ABCG1: variants seen among roughly 807,000 people sequenced by gnomAD.
ABCG1 encodes the protein ATP binding cassette subfamily G member 1, also known as ATP-binding cassette sub-family G member 1.
A neutral mutation model predicts 69.2 loss-of-function variants in ABCG1; 29 were observed. The ratio of observed to expected loss-of-function variants is 0.42; its 90% CI spans 0.31 to 0.57. The LOEUF (loss-of-function observed/expected upper bound fraction) is 0.57, where lower values mean the gene tolerates loss of function less well. Among genes scored for constraint, ABCG1 ranks in the 20% least tolerant of loss-of-function variants. The pLI is 0.15. For missense variants in ABCG1, 718 were observed against 898.1 expected, an observed-to-expected ratio of 0.80 and a Z score of 2.56; for synonymous variants, 370 against 374.8, an observed-to-expected ratio of 0.99 and a Z score of 0.15.
chr21:42,212,530 A>G (rs2067598901), upstream of ABCG1, among the ~76,000 whole-genome samples: 1 of 152,210 alleles, frequency 6.6e-6, no homozygotes, highest in African/African-American at 2.4e-5. Context: ...GACAGAGGGC[A>G]GAGGACTTGG....
Position 42,285,969 on chromosome 21 carries a change from A to G in ABCG1, c.948A>G (p.Pro316=). The G allele has an allele frequency of 2.5e-6, 4 of 1,613,780 alleles. No individual in the cohort carries two copies. Among genetic ancestry groups the G allele is most frequent in the Non-Finnish European group, 3.4e-6 (4 of 1,179,740 alleles). ...TGAGGGATTTGGGTCTGAACTGCCC[A>G]ACCTACCACAACCCAGCAGATTTTG... is the stretch of plus-strand genomic sequence containing the variant. ...PYLRDLGLNC[P]TYHNPADFVM... Residue 316 remains proline (P), a synonymous_variant, in exon 8 of 15, where the codon CCA becomes CCG. Coordinates refer to ENST00000398449, the MANE Select transcript of ABCG1 (RefSeq NM_016818.3).
In ABCG1 at chr21:42,281,521, G is replaced by C. The variant is rs563477988; in HGVS notation, c.589-753G>C. Among the ~76,000 whole-genome samples, 3 of 152,332 alleles carry C rather than the reference G, an allele frequency of 2.0e-5. No homozygotes were observed. The East Asian group carries it at 5.8e-4, about 29-fold the overall frequency. On this transcript the variant is annotated intron_variant, in intron 5 of 14. Transcript: ENST00000398449. The stretch of plus-strand genomic sequence containing the variant: ...GTGCGCAGTGCCCTGCTTGTTCCTG[G>C]CGTGCAGCCTGCTTCCCAGAGCCTG...
intron 2 of ABCG1, among the ~76,000 whole-genome samples, chr21:42,255,482 A>G (rs376748906): frequency 3.9e-5 from 6 of 152,208 alleles, no homozygotes; most frequent in African/African-American, 1.4e-4. Context: ...CTGTGTGCAC[A>G]TGGTGTGTGC....
chr21:42,279,718 C>T (rs1432540213), intron 5 of ABCG1, among the ~76,000 whole-genome samples: 2 of 152,254 alleles, frequency 1.3e-5, no homozygotes, highest in African/African-American at 4.8e-5. Flanking sequence ...TCGCTCTCCC[C>T]ATGGGCTGGG....
Position 42,201,860 on chromosome 21 carries a change from G to C in ABCG1, c.48+137G>C, listed in dbSNP as rs544981389. On this transcript the variant is annotated intron_variant, in intron 2 of 15. Coordinates refer to the ABCG1 transcript ENST00000398457. ...GGGCTGTGGGAGCTCCTGCGGTGTA[G>C]TTTGGTGAGGGGCCAGCCCGAGGCA... 3 of 1,543,924 alleles carry C rather than the reference G, an allele frequency of 1.9e-6. No individual in the cohort carries two copies. The Admixed American group carries it at 5.4e-5, about 28-fold the overall frequency.
At chr21:42,285,757 G>T in intron 7 of ABCG1, 123 bp from the exon 8 acceptor site, 2 of 724,922 alleles carry the variant, frequency 2.8e-6, no homozygotes, top group Middle Eastern at 7.5e-4. Context: ...AGGAGAGGAA[G>T]TGGCTGATCG....
chr21:42,207,953 G>A (rs1291989678), intron 2 of ABCG1, among the ~76,000 whole-genome samples: 1 of 152,182 alleles, frequency 6.6e-6, no homozygotes, highest in Non-Finnish European at 1.5e-5. Context: ...GTGCCCAGTG[G>A]GAGCAGAAGT....
chr21:42,209,886 G>A (rs1017959342), intron 2 of ABCG1, among the ~76,000 whole-genome samples: 1 of 152,196 alleles, frequency 6.6e-6, no homozygotes. Context: ...GAACGAGTTT[G>A]TTTAAAGAGC....
intron 2 of ABCG1, among the ~76,000 whole-genome samples, chr21:42,247,362 G>A (rs564303618): frequency 6.6e-6 from 1 of 152,326 alleles, no homozygotes; most frequent in African/African-American, 2.4e-5. Flanking sequence ...GCCCAGAGAA[G>A]GGTTATAGGA....
At chr21:42,295,333 T>TAAAAAAAAAAAAAAAAAAAA (rs60677287) in intron 14 of ABCG1, 7 of 59,022 alleles carry the variant, frequency 1.2e-4, no homozygotes, top group Non-Finnish European at 1.6e-4. Context: ...TCCGTCTCAA[T>TAAAAAAAAAAAAAAAAAAAA]AAAAAAAAAA....
chr21:42,267,635 G>GTCTGGGTTCTGTCTGGGTC (rs2068534019), intron 2 of ABCG1, among the ~76,000 whole-genome samples: 10 of 124,414 alleles, frequency 8.0e-5, no homozygotes, highest in Non-Finnish European at 1.2e-4. Context: ...CTGTCTGGGT[G>GTCTGGGTTCTGTCTGGGTC]TGGTCTGGGT....
chr21:42,274,709 G>A (rs1205236640), intron 4 of ABCG1, among the ~76,000 whole-genome samples: 1 of 152,010 alleles, frequency 6.6e-6, no homozygotes, highest in African/African-American at 2.4e-5. Context: ...TCCTGACCTC[G>A]TGATCTGCCC....
At position 42,262,342 on chromosome 21, in the gene ABCG1, T is replaced by C. The variant is rs528275211; in HGVS notation, c.287-8728T>C. 2.6e-5 allele frequency among the ~76,000 whole-genome samples: 4 copies of C among 152,288 alleles called. No individual in the cohort carries two copies. In the East Asian group the frequency reaches 7.7e-4, roughly 29 times the overall value. ...GTGGAATGAAAAATAAATTGAAAGG[T>C]AAAGGTCAGTTGCACAAGTGAAGAT... is the stretch of plus-strand genomic sequence containing the variant. On this transcript the variant is annotated intron_variant, in intron 2 of 14. Transcript: ENST00000398449.
At chr21:42,267,163 C>G (rs977834394) in intron 2 of ABCG1, among the ~76,000 whole-genome samples, 1 of 152,238 alleles carries the variant, frequency 6.6e-6, no homozygotes. Context: ...GTGGAGCCTT[C>G]CTCCCACCCA....
In ABCG1 at chr21:42,287,076, G is replaced by A. The variant is rs994878318; in HGVS notation, c.974-813G>A. 1.8e-4 allele frequency among the ~76,000 whole-genome samples: 27 copies of A among 152,336 alleles called. No individual in the cohort carries two copies. The highest frequency in any genetic ancestry group is 3.8e-4 in the Non-Finnish European group (26 of 68,032). The stretch of plus-strand genomic sequence containing the variant: ...AGAGGGAAGTGCGGAAAAGGTAAGG[G>A]TGTTGGGGAGCTTTGGGCCTTAGCA... On this transcript the variant is annotated intron_variant, in intron 8 of 14. Coordinates refer to ENST00000398449, the MANE Select transcript of ABCG1 (RefSeq NM_016818.3). The surrounding 1 kb of genome is among the most constrained non-coding windows in gnomAD (Gnocchi z 6.2).
intron 1 of ABCG1, chr21:42,201,445 G>T (rs2067505485): frequency 3.8e-6 from 2 of 528,110 alleles, no homozygotes; most frequent in Non-Finnish European, 6.7e-6. Context: ...CTGCTGTGTG[G>T]CCCCATTCCT....
At position 42,219,427 on chromosome 21, in the gene ABCG1, C is replaced by A; in HGVS notation, c.42+123C>A. On this transcript the variant is annotated intron_variant, in intron 1 of 14. Transcript: ENST00000398449. The surrounding 1 kb of genome is among the most constrained non-coding windows in gnomAD (Gnocchi z 5.3). ...AGGAGCGCGTCCTCTGGGCGCTGACCCAGGGCACCCTAGAGTGGCGCCCGG... is the reference window on the plus strand; with the variant it reads ...AGGAGCGCGTCCTCTGGGCGCTGACACAGGGCACCCTAGAGTGGCGCCCGG... 1 of 1,374,414 alleles carries A rather than the reference C, an allele frequency of 7.3e-7. No individual in the cohort carries two copies. The highest frequency in any genetic ancestry group is 9.6e-7 in the Non-Finnish European group (1 of 1,036,332). 85.1% of individuals were successfully genotyped at this position (1,374,414 alleles called of 1,614,324 possible).
At chr21:42,293,882 CCA>C (rs1161856472) in intron 13 of ABCG1, among the ~76,000 whole-genome samples, 10 of 150,718 alleles carry the variant, frequency 6.6e-5, no homozygotes, top group Non-Finnish European at 1.3e-4. Flanking sequence ...ACACCACACA[CCA>C]CACACTCCAC....
Position 42,288,974 on chromosome 21 carries a change from C to G in ABCG1, c.1224+662C>G, listed in dbSNP as rs558327035. On this transcript the variant is annotated intron_variant, in intron 10 of 14. Coordinates refer to ENST00000398449, the MANE Select transcript of ABCG1 (RefSeq NM_016818.3). This position sits in a 1 kb window ranked among gnomAD's most constrained non-coding sequence, Gnocchi z 4.8. ...ACATTCAGATCTCACAATAACTCACCCATTGTCATGAGCACAGACCCAAAG... is the reference window on the plus strand; with the variant it reads ...ACATTCAGATCTCACAATAACTCACGCATTGTCATGAGCACAGACCCAAAG... Among the ~76,000 whole-genome samples, 39 of 152,210 alleles carry G rather than the reference C, an allele frequency of 2.6e-4. No homozygotes were observed. The highest frequency in any genetic ancestry group is 9.2e-4 in the African/African-American group (38 of 41,520).
Sources: gnomAD v4.1 joint callset for allele counts (sites outside exome capture counted in the v4.1 genomes callset) on GRCh38, gnomAD v4.1.1 for gene constraint, Gnocchi (gnomAD v3.1) non-coding constraint, MANE v1.5 for transcripts, NCBI Gene and HGNC (gene_info 2026-07-23, HGNC 2026-07-21) for gene names.